The following PPP1R3F variants were observed in gnomAD, a reference collection of about 807,000 sequenced individuals.
The protein encoded by PPP1R3F is protein phosphatase 1 regulatory subunit 3F, also known as protein phosphatase 1, regulatory (inhibitor) subunit 3F.
In PPP1R3F, 29 loss-of-function variants were observed where a neutral mutation model predicts 24.2. The ratio of observed to expected loss-of-function variants is 1.20; its 90% confidence interval spans 0.89 to 1.63. The LOEUF (loss-of-function observed/expected upper bound fraction) is 1.63. PPP1R3F is among the 40% of genes most tolerant of loss of function. PPP1R3F has a pLI of 0.00. For synonymous variants in PPP1R3F, 363 were observed against 340.1 expected (o/e 1.07, Z -0.74); for missense variants, 823 against 729.3 (o/e 1.13, Z -1.48).
At chrX:49,294,761 T>A (rs1274481666) in intron 3 of PPP1R3F, among the ~76,000 whole-genome samples, 1 of 108,555 alleles carries the variant, frequency 9.2e-6, no homozygotes, top group African/African-American at 3.4e-5. Flanking sequence ...ATACAAAAAA[T>A]TAGCCAGGCG....
chrX:49,272,545 C>T (rs936758664), intron 1 of PPP1R3F, among the ~76,000 whole-genome samples: 2 of 112,806 alleles, frequency 1.8e-5, no homozygotes, highest in Non-Finnish European at 3.8e-5. Context: ...TAGGGAGCCA[C>T]ACCTACAGTT....
intron 3 of PPP1R3F, among the ~76,000 whole-genome samples, chrX:49,282,487 GTGTGTGTT>G (rs2066255537): frequency 1.0e-5 from 1 of 99,072 alleles, no homozygotes; most frequent in Non-Finnish European, 2.1e-5. Context: ...GTGTGTGTGT[GTGTGTGTT>G]GTGGGCGGGG....
intron 1 of PPP1R3F, among the ~76,000 whole-genome samples, chrX:49,271,115 C>G (rs2066177347): frequency 8.9e-6 from 1 of 111,933 alleles, no homozygotes; most frequent in South Asian, 3.7e-4. Flanking sequence ...CTACCCTACC[C>G]TCAAGGATTC....
At position 49,270,387 on chromosome X, in the gene PPP1R3F, G is replaced by A. The variant is rs1255127152; in HGVS notation, c.518G>A (p.Arg173His). ...VLRGLVRVLN[R>H]SFEKAVHVRA... is the part of the protein sequence containing the mutation. Reference sequence around the variant, plus strand: ...CGCGGGTTGGTACGCGTGCTGAACCGCTCCTTCGAGAAGGCGGTGCACGTG... The same window carrying A: ...CGCGGGTTGGTACGCGTGCTGAACCACTCCTTCGAGAAGGCGGTGCACGTG... The change falls in exon 1 of 4, where the codon CGC (arginine) becomes CAC (histidine). Residue 173 changes from arginine to histidine, a missense_variant. Physicochemically the swap from Arg to His is conservative, Grantham distance 29. Transcript: ENST00000055335. 1 of 1,164,493 alleles carries A rather than the reference G, an allele frequency of 8.6e-7. No individual in the cohort carries two copies. The highest frequency in any genetic ancestry group is 1.1e-6 in the Non-Finnish European group (1 of 877,706).
At chrX:49,272,912 G>C (rs1557119527) in intron 1 of PPP1R3F, 1 of 100,198 alleles carries the variant, frequency 1.0e-5, no homozygotes, top group African/African-American at 3.4e-5. Context: ...AGAAATGCTA[G>C]GGACATTTAT....
intron 3 of PPP1R3F, among the ~76,000 whole-genome samples, chrX:49,282,365 G>T (rs2066254199): frequency 9.0e-6 from 1 of 110,663 alleles, no homozygotes; most frequent in Non-Finnish European, 1.9e-5. Flanking sequence ...ACATGATAAA[G>T]TAATAGAATA....
intron 1 of PPP1R3F, chrX:49,273,644 C>T (rs1346971226): frequency 1.8e-5 from 2 of 112,511 alleles, no homozygotes; most frequent in Non-Finnish European, 3.8e-5. Context: ...CAGTGACTTG[C>T]AGCACTGTTG....
Position 49,270,672 on chromosome X carries a change from C to T in PPP1R3F, c.803C>T (p.Pro268Leu), listed in dbSNP as rs899761111. Residue 268 changes from proline (P) to leucine (L), a missense_variant, in exon 1 of 4, where the codon CCT (proline) becomes CTT (leucine). Pro to Leu is a moderately conservative substitution (Grantham distance 98). Coordinates refer to ENST00000055335, the MANE Select transcript of PPP1R3F (RefSeq NM_033215.5). The part of the protein sequence containing the change: ...RLDFVVRYET[P>L]EGTFWANNHG... Reference sequence around the variant, plus strand: ...GACTTCGTGGTGCGCTATGAGACCCCTGAGGGCACTTTCTGGGCCAACAAC... The same window carrying T: ...GACTTCGTGGTGCGCTATGAGACCCTTGAGGGCACTTTCTGGGCCAACAAC... 3 of 1,209,555 alleles carry T rather than the reference C, an allele frequency of 2.5e-6. No individual in the cohort carries two copies. The highest frequency in any genetic ancestry group is 1.7e-5 in the African/African-American group (1 of 57,998).
At chrX:49,298,831 C>T (rs944885913) in intron 3 of PPP1R3F, among the ~76,000 whole-genome samples, 9 of 110,690 alleles carry the variant, frequency 8.1e-5, no homozygotes, top group African/African-American at 3.0e-4. Flanking sequence ...ATGAAGTTCT[C>T]GTGCTGTGTT....
intron 1 of PPP1R3F, chrX:49,275,871 TG>T (rs2066209328): frequency 8.9e-6 from 1 of 112,283 alleles, no homozygotes; most frequent in Non-Finnish European, 1.9e-5. Context: ...CTGGGGCTGA[TG>T]CACAGGAAGG....
At chrX:49,294,330 C>T (rs1557122614) in intron 3 of PPP1R3F, among the ~76,000 whole-genome samples, 1 of 107,875 alleles carries the variant, frequency 9.3e-6, no homozygotes, top group African/African-American at 3.4e-5. Context: ...AGTGATTCTC[C>T]CACCTCAGCC....
At chrX:49,298,398 C>T (rs1419066313) in intron 3 of PPP1R3F, among the ~76,000 whole-genome samples, 1 of 112,349 alleles carries the variant, frequency 8.9e-6, no homozygotes, top group Admixed American at 9.4e-5. Context: ...GTCTGATGGG[C>T]TTCCCTATGT....
In PPP1R3F at chrX:49,287,682, A is replaced by G. The variant is rs1424968769; in HGVS notation, c.*592A>G. 9.0e-6 allele frequency: 1 copy of G among 111,080 alleles called. No individual in the cohort carries two copies. Among genetic ancestry groups the G allele is most frequent in the African/African-American group, 3.3e-5 (1 of 30,244 alleles). 9.2% of individuals were successfully genotyped at this position (111,080 alleles called of 1,213,427 possible). A position where few individuals can be genotyped will look rare whatever the true frequency, so the allele number is the denominator to read the frequency against. On this transcript the variant is annotated 3_prime_UTR_variant, in exon 4 of 4. Coordinates refer to ENST00000055335, the MANE Select transcript of PPP1R3F (RefSeq NM_033215.5). Reference sequence around the variant, plus strand: ...TCTCCTCGTCTCGTGGTCCTAATCCATATGGTTCTTTGTCTTTTCCACATT... The same window carrying G: ...TCTCCTCGTCTCGTGGTCCTAATCCGTATGGTTCTTTGTCTTTTCCACATT...
rs2147957810 is a variant in PPP1R3F, at chrX:49,270,243, C to T, written c.374C>T (p.Pro125Leu). ...LVPTFSLPPA[P>L]GRLERLGRVM... ...CCCACATTTTCGCTGCCGCCCGCGC[C>T]GGGCCGTCTGGAGCGCTTGGGGCGC... Residue 125 changes from proline (P) to leucine (L), a missense_variant, in exon 1 of 4, where the codon CCG (proline) becomes CTG (leucine). Pro to Leu is a moderately conservative substitution (Grantham distance 98). Coordinates refer to ENST00000055335, the MANE Select transcript of PPP1R3F (RefSeq NM_033215.5). 2.7e-6 allele frequency: 3 copies of T among 1,094,608 alleles called. No individual in the cohort carries two copies. Among genetic ancestry groups the T allele is most frequent in the Non-Finnish European group, 2.4e-6 (2 of 847,034 alleles). The allele number at this position is 1,094,608 out of a possible 1,213,427, so 90.2% of individuals were successfully genotyped here.
intron 1 of PPP1R3F, among the ~76,000 whole-genome samples, chrX:49,277,420 T>C (rs782600392): frequency 1.3e-4 from 15 of 112,794 alleles, no homozygotes; most frequent in African/African-American, 4.8e-4. Flanking sequence ...CAGATCTGTG[T>C]GCCCTGGCCC....
intron 1 of PPP1R3F, among the ~76,000 whole-genome samples, chrX:49,279,493 G>A (rs782789130): frequency 7.2e-4 from 81 of 111,826 alleles, no homozygotes; most frequent in African/African-American, 2.5e-3. Flanking sequence ...AGACCAGCCT[G>A]GCCAACATGG....
rs1458763429 is a variant in PPP1R3F at position 49,286,323 on chromosome X, C to T, written c.1633C>T (p.Leu545=). The stretch of plus-strand genomic sequence containing the variant: ...GAAGTGGCCTGGCCCTGAGCGGGCC[C>T]TGAACAGCGCCCTGGCTGAGGAGAT... The part of the protein sequence containing the change: ...ILKWPGPERA[L]NSALAEEITL... The change falls in exon 4 of 4, where the codon CTG becomes TTG. Residue 545 remains leucine (L), a synonymous_variant. Transcript: ENST00000055335. 8.3e-7 allele frequency: 1 copy of T among 1,208,789 alleles called. No homozygotes were observed. The highest frequency in any genetic ancestry group is 1.1e-6 in the Non-Finnish European group (1 of 893,661).
chrX:49,287,195 C>A lies in PPP1R3F; in HGVS notation c.*105C>A. On this transcript the variant is annotated 3_prime_UTR_variant, in exon 4 of 4. Coordinates refer to ENST00000055335, the MANE Select transcript of PPP1R3F (RefSeq NM_033215.5). ...GAGAATGCTCAACTGAAAGAGAGGC[C>A]TTCTCATCCCCAAGCTCTCCAGTCA... is the stretch of plus-strand genomic sequence containing the variant. 1.2e-6 allele frequency: 1 copy of A among 817,539 alleles called. No homozygotes were observed. The allele number at this position is 817,539 out of a possible 1,213,427, so 67.4% of individuals were successfully genotyped here.
rs1557119007 is a variant in PPP1R3F at position 49,270,646 on chromosome X, C to G, written c.777C>G (p.Leu259=). The change falls in exon 1 of 4, where the codon CTC becomes CTG. Residue 259 remains leucine (L), a synonymous_variant. Transcript: ENST00000055335. ...FAEGAGDGAR[L]DFVVRYETPE... ...AGGGCGCGGGCGATGGGGCGCGCCT[C>G]GACTTCGTGGTGCGCTATGAGACCC... is the stretch of plus-strand genomic sequence containing the variant. 2.5e-6 allele frequency: 3 copies of G among 1,208,445 alleles called. No individual in the cohort carries two copies. Among genetic ancestry groups the G allele is most frequent in the Non-Finnish European group, 3.4e-6 (3 of 894,678 alleles).
Sources: allele counts gnomAD v4.1 joint callset (sites outside exome capture counted in the v4.1 genomes callset), GRCh38; gene constraint gnomAD v4.1.1; transcripts MANE v1.5; gene names NCBI Gene and HGNC (gene_info 2026-07-23, HGNC 2026-07-21).